Variants in BCAS1 observed in about 807,000 individuals in gnomAD.
BCAS1 encodes brain enriched myelin associated protein 1.
In BCAS1, 46 loss-of-function variants were observed where a neutral mutation model predicts 65.4. That is an observed-to-expected ratio of 0.70 (90% CI 0.55 to 0.90). The LOEUF is 0.90. Among genes scored for constraint, BCAS1 ranks in the 40% least tolerant of loss-of-function variants. BCAS1 has a pLI of 0.00. For missense variants in BCAS1, 793 were observed against 771.2 expected, an observed-to-expected ratio of 1.03 and a Z score of -0.33; for synonymous variants, 298 against 293.5, an observed-to-expected ratio of 1.02 and a Z score of -0.16.
rs188007706 is a variant in BCAS1, at chr20:54,067,013, T to C, written c.-6+3420A>G. On this transcript the variant is annotated intron_variant, in intron 1 of 12. Transcript: ENST00000688948. Reference sequence around the variant, plus strand: ...ATAATAGAACATGGAATAGAAAATATTTCCTGCATATTCATTCTTGCAATG... The same window carrying C: ...ATAATAGAACATGGAATAGAAAATACTTCCTGCATATTCATTCTTGCAATG... Among the ~76,000 whole-genome samples the C allele has an allele frequency of 9.4e-4, 143 of 152,368 alleles. 1 individual carries two copies. The highest frequency in any genetic ancestry group is 9.6e-4 in the Non-Finnish European group (65 of 68,038).
intron 12 of BCAS1, among the ~76,000 whole-genome samples, chr20:53,950,582 T>A (rs968163132): frequency 5.9e-5 from 9 of 152,224 alleles, no homozygotes; most frequent in African/African-American, 1.4e-4. Flanking sequence ...ATTTTGTAAT[T>A]TTAACGTTGT....
intron 3 of BCAS1, among the ~76,000 whole-genome samples, chr20:54,042,534 T>A (rs1338920839): frequency 6.6e-6 from 1 of 152,156 alleles, no homozygotes; most frequent in African/African-American, 2.4e-5. Flanking sequence ...TTTTAAAAAA[T>A]GGTGTCGGGA....
chr20:53,976,074 C>T (rs1320367284), intron 8 of BCAS1, among the ~76,000 whole-genome samples: 1 of 152,176 alleles, frequency 6.6e-6, no homozygotes, highest in East Asian at 1.9e-4. Context: ...CACATTCAAA[C>T]ACCGTTTTAC....
chr20:54,041,909 C>CAAAA (rs796435949), intron 3 of BCAS1, among the ~76,000 whole-genome samples: 5 of 79,778 alleles, frequency 6.3e-5, no homozygotes, highest in Admixed American at 1.7e-4. Flanking sequence ...CTGTCTCCCC[C>CAAAA]AAAAAAAAAA....
intron 10 of BCAS1, among the ~76,000 whole-genome samples, chr20:53,963,620 TAAC>T (rs749538254): frequency 2.3e-4 from 35 of 152,242 alleles, no homozygotes; most frequent in Non-Finnish European, 3.8e-4. Context: ...GATATTTTGC[TAAC>T]AATATCCAAA....
At position 54,031,747 on chromosome 20, in the gene BCAS1, G is replaced by A. The variant is rs537950938; in HGVS notation, c.143-2775C>T. On this transcript the variant is annotated intron_variant, in intron 3 of 12. Coordinates refer to ENST00000688948, the MANE Select transcript of BCAS1 (RefSeq NM_001366298.2). Reference sequence around the variant, plus strand: ...AATAAATCACTCTTCCCCAACTTACGCCAGTTGAAATTGAATACATACTCA... The same window carrying A: ...AATAAATCACTCTTCCCCAACTTACACCAGTTGAAATTGAATACATACTCA... Among the ~76,000 whole-genome samples the A allele has an allele frequency of 3.3e-5, 5 of 151,178 alleles. No individual in the cohort carries two copies. The East Asian group carries it at 5.8e-4, about 17-fold the overall frequency.
intron 4 of BCAS1, among the ~76,000 whole-genome samples, chr20:54,013,722 A>T (rs2091371423): frequency 6.6e-6 from 1 of 152,240 alleles, no homozygotes; most frequent in Non-Finnish European, 1.5e-5. Flanking sequence ...TAAATAACTC[A>T]TGGTACAACC....
intron 4 of BCAS1, among the ~76,000 whole-genome samples, chr20:54,000,665 G>A (rs1427299670): frequency 1.3e-5 from 2 of 151,850 alleles, no homozygotes; most frequent in Admixed American, 1.3e-4. Flanking sequence ...TTTTGAAAAA[G>A]CCCTCTTCCT....
At chr20:54,053,173 G>T (rs2092246212) in intron 3 of BCAS1, among the ~76,000 whole-genome samples, 1 of 152,186 alleles carries the variant, frequency 6.6e-6, no homozygotes, top group Admixed American at 6.5e-5. Flanking sequence ...TAAAATTGGT[G>T]AGTTAAGCTA....
At chr20:53,991,861 T>C (rs1341125855) in intron 7 of BCAS1, among the ~76,000 whole-genome samples, 1 of 152,150 alleles carries the variant, frequency 6.6e-6, no homozygotes, top group Non-Finnish European at 1.5e-5. Context: ...TGCAGAAATA[T>C]GATATTACAT....
chr20:53,947,729 A>C (rs1188132021), intron 12 of BCAS1, among the ~76,000 whole-genome samples: 1 of 152,108 alleles, frequency 6.6e-6, no homozygotes, highest in East Asian at 1.9e-4. Flanking sequence ...GGTAAAGGCC[A>C]TTCCCCAACC....
At chr20:54,038,787 T>C (rs970820342) in intron 3 of BCAS1, among the ~76,000 whole-genome samples, 1 of 151,388 alleles carries the variant, frequency 6.6e-6, no homozygotes, top group African/African-American at 2.4e-5. Flanking sequence ...AATATCCTGA[T>C]CTGTCAGGAT....
intron 11 of BCAS1, among the ~76,000 whole-genome samples, chr20:53,956,422 GA>G (rs2089701253): frequency 6.6e-6 from 1 of 152,168 alleles, no homozygotes; most frequent in Admixed American, 6.5e-5. Flanking sequence ...AGAACTGCAA[GA>G]AAATAAATTT....
At chr20:54,009,806 G>A (rs924269397) in intron 4 of BCAS1, among the ~76,000 whole-genome samples, 2 of 152,172 alleles carry the variant, frequency 1.3e-5, no homozygotes, top group Non-Finnish European at 1.5e-5. Flanking sequence ...TATGCCTCAT[G>A]AGTATAGATG....
intron 4 of BCAS1, among the ~76,000 whole-genome samples, chr20:54,026,672 C>A (rs1308557537): frequency 6.6e-6 from 1 of 152,116 alleles, no homozygotes; most frequent in African/African-American, 2.4e-5. Context: ...AGCCTATGAC[C>A]AATAATGAGA....
chr20:53,993,646 A>G (rs2090822330), intron 6 of BCAS1, among the ~76,000 whole-genome samples: 1 of 152,176 alleles, frequency 6.6e-6, no homozygotes, highest in Admixed American at 6.5e-5. Context: ...ACACATTCCC[A>G]TACTCCACTG....
intron 12 of BCAS1, among the ~76,000 whole-genome samples, chr20:53,952,520 G>C (rs554259527): frequency 6.6e-6 from 1 of 152,326 alleles, no homozygotes; most frequent in African/African-American, 2.4e-5. Flanking sequence ...TAAATAAGCA[G>C]GAGGCCTTTA....
chr20:54,029,012 C>T lies in BCAS1; in HGVS notation c.143-40G>A, dbSNP rs376756929. 868 of 1,556,164 alleles carry T rather than the reference C, an allele frequency of 5.6e-4. 2 individuals are homozygous for T. The highest frequency in any genetic ancestry group is 7.0e-4 in the Non-Finnish European group (814 of 1,155,278). On this transcript the variant is annotated intron_variant, in intron 3 of 12. Coordinates refer to ENST00000688948, the MANE Select transcript of BCAS1 (RefSeq NM_001366298.2). The stretch of plus-strand genomic sequence containing the variant: ...ATAAACAGTGGTTATTCAGCCAAGC[C>T]GGGAAATTCAGGCACTAATAATGGA...
intron 3 of BCAS1, among the ~76,000 whole-genome samples, chr20:54,036,866 A>G (rs1376124490): frequency 1.3e-5 from 2 of 151,424 alleles, no homozygotes; most frequent in Admixed American, 6.6e-5. Flanking sequence ...AGTGATATAA[A>G]TCAATTTATC....
Sources: gnomAD v4.1 joint callset for allele counts (sites outside exome capture counted in the v4.1 genomes callset) on GRCh38, gnomAD v4.1.1 for gene constraint, MANE v1.5 for transcripts, NCBI Gene and HGNC (gene_info 2026-07-23, HGNC 2026-07-21) for gene names.